The following LRRTM4 variants were observed in gnomAD, a reference collection of about 807,000 sequenced individuals.
LRRTM4 encodes the protein leucine rich repeat transmembrane neuronal 4, also known as leucine-rich repeat transmembrane neuronal protein 4.
Under a neutral mutation model 47.6 loss-of-function variants are expected in LRRTM4, and 25 were observed. The observed-to-expected ratio is 0.53, with a 90% confidence interval of 0.38 to 0.73. The LOEUF (loss-of-function observed/expected upper bound fraction) is 0.73. Among genes scored for constraint, LRRTM4 ranks in the 30% least tolerant of loss-of-function variants. The probability of loss-of-function intolerance (pLI) is 0.00; values close to 1 mark genes in which losing one functional copy is unlikely to be tolerated. For missense variants in LRRTM4, 638 were observed against 713.4 expected, an observed-to-expected ratio of 0.89 and a Z score of 1.20; for synonymous variants, 311 against 269.5, an observed-to-expected ratio of 1.15 and a Z score of -1.51.
chr2:77,510,994 T>C (rs746820783), intron 3 of LRRTM4, among the ~76,000 whole-genome samples: 24 of 152,072 alleles, frequency 1.6e-4, no homozygotes, highest in Admixed American at 2.6e-4. Context: ...TTCTTCTTGC[T>C]AGATTTAATG....
chr2:76,767,458 T>A (rs1327450469), intron 3 of LRRTM4, among the ~76,000 whole-genome samples: 3 of 152,138 alleles, frequency 2.0e-5, no homozygotes, highest in African/African-American at 4.8e-5. Flanking sequence ...GAGGCACAGG[T>A]GTGAAATGAC....
At chr2:77,232,579 A>G (rs1232769617) in intron 3 of LRRTM4, among the ~76,000 whole-genome samples, 3 of 152,210 alleles carry the variant, frequency 2.0e-5, no homozygotes, top group Non-Finnish European at 2.9e-5. Flanking sequence ...ACAAAGGTTT[A>G]CTTTAATCCG....
chr2:77,091,794 C>G (rs1670650666), intron 3 of LRRTM4, among the ~76,000 whole-genome samples: 1 of 150,436 alleles, frequency 6.6e-6, no homozygotes, highest in Non-Finnish European at 1.5e-5. Flanking sequence ...TCTTCCTCAT[C>G]TGTTACCTAT....
intron 3 of LRRTM4, among the ~76,000 whole-genome samples, chr2:77,244,506 A>AC (rs1234608871): frequency 2.6e-5 from 4 of 152,162 alleles, no homozygotes; most frequent in African/African-American, 9.7e-5. Context: ...AATGGGAAAA[A>AC]AATGTTTAAG....
At chr2:77,184,883 ATT>A (rs1181368226) in intron 3 of LRRTM4, among the ~76,000 whole-genome samples, 9 of 152,116 alleles carry the variant, frequency 5.9e-5, no homozygotes, top group Non-Finnish European at 8.8e-5. Flanking sequence ...GATAGCGTTG[ATT>A]TGGAGAAACA....
chr2:77,032,355 C>T (rs1402248963), intron 3 of LRRTM4, among the ~76,000 whole-genome samples: 2 of 152,148 alleles, frequency 1.3e-5, no homozygotes, highest in East Asian at 3.9e-4. Flanking sequence ...TTCTATTTCC[C>T]TGTTAATTTT....
intron 3 of LRRTM4, among the ~76,000 whole-genome samples, chr2:77,453,814 T>C (rs764367582): frequency 6.6e-6 from 1 of 152,226 alleles, no homozygotes; most frequent in Non-Finnish European, 1.5e-5. Context: ...TTTATTTTGA[T>C]AGCCTTTAAT....
intron 3 of LRRTM4, among the ~76,000 whole-genome samples, chr2:77,364,321 T>A (rs1672358083): frequency 6.6e-6 from 1 of 152,100 alleles, no homozygotes; most frequent in Non-Finnish European, 1.5e-5. Context: ...ATGCTGTATA[T>A]AAGGGCTGTA....
intron 3 of LRRTM4, among the ~76,000 whole-genome samples, chr2:76,846,844 G>T (rs1408928107): frequency 6.6e-6 from 1 of 152,106 alleles, no homozygotes; most frequent in African/African-American, 2.4e-5. Context: ...CCATTATCTG[G>T]TAAGAGAAAG....
At chr2:76,919,020 C>T (rs1183502448) in intron 3 of LRRTM4, among the ~76,000 whole-genome samples, 2 of 152,096 alleles carry the variant, frequency 1.3e-5, no homozygotes, top group African/African-American at 4.8e-5. Context: ...GTGCAAAGGA[C>T]AAAATTCAGG....
intron 3 of LRRTM4, among the ~76,000 whole-genome samples, chr2:77,042,737 T>G (rs1325758060): frequency 4.0e-5 from 6 of 151,748 alleles, no homozygotes; most frequent in Non-Finnish European, 7.4e-5. Context: ...AAACCTATAT[T>G]CATCAAGAGC....
At chr2:77,511,527 A>G (rs895301893) in intron 3 of LRRTM4, among the ~76,000 whole-genome samples, 2 of 151,882 alleles carry the variant, frequency 1.3e-5, no homozygotes, top group Admixed American at 6.6e-5. Flanking sequence ...TTGCTTATTT[A>G]TTTTAAGCAC....
intron 3 of LRRTM4, among the ~76,000 whole-genome samples, chr2:77,502,214 T>C (rs1678594886): frequency 6.6e-6 from 1 of 151,564 alleles, no homozygotes; most frequent in Non-Finnish European, 1.5e-5. Flanking sequence ...AGCAATTCAC[T>C]TACATTATTA....
At chr2:77,073,503 A>G (rs971752293) in intron 3 of LRRTM4, among the ~76,000 whole-genome samples, 1 of 152,072 alleles carries the variant, frequency 6.6e-6, no homozygotes, top group Non-Finnish European at 1.5e-5. Flanking sequence ...AATTCCTTCT[A>G]TGAAAATGTT....
chr2:76,845,440 G>A lies in LRRTM4; in HGVS notation c.1552-96524C>T, dbSNP rs1426103754. ...CCAGGAGGCAGAGGTTGAAGTGAGG[G>A]GAGATCTCATTATTGGCTGAAAACA... On this transcript the variant is annotated intron_variant, in intron 3 of 3. Coordinates refer to ENST00000409884, the MANE Select transcript of LRRTM4 (RefSeq NM_001134745.3). Among the ~76,000 whole-genome samples the A allele has an allele frequency of 2.0e-5, 3 of 151,934 alleles. No homozygotes were observed. In the South Asian group the frequency reaches 6.2e-4, roughly 32 times the overall value.
intron 3 of LRRTM4, among the ~76,000 whole-genome samples, chr2:76,922,971 C>T (rs1160224368): frequency 6.6e-6 from 1 of 151,914 alleles, no homozygotes; most frequent in African/African-American, 2.4e-5. Flanking sequence ...TTACTTGGTA[C>T]TATTAATTTA....
intron 3 of LRRTM4, among the ~76,000 whole-genome samples, chr2:77,472,078 A>G (rs1677209993): frequency 2.0e-5 from 3 of 152,004 alleles, no homozygotes; most frequent in African/African-American, 7.2e-5. Context: ...TCATATTTAA[A>G]CCAGTGTCCT....
At chr2:76,908,475 G>C (rs1048476208) in intron 3 of LRRTM4, among the ~76,000 whole-genome samples, 5 of 151,350 alleles carry the variant, frequency 3.3e-5, no homozygotes, top group African/African-American at 9.7e-5. Context: ...TCAACATAGT[G>C]TTGGAAGTTC....
intron 3 of LRRTM4, among the ~76,000 whole-genome samples, chr2:77,511,290 G>T (rs1678977278): frequency 6.6e-6 from 1 of 151,984 alleles, no homozygotes; most frequent in Non-Finnish European, 1.5e-5. Context: ...TTATCAGCCT[G>T]TATTCAAAAG....
Sources: gnomAD v4.1 joint callset for allele counts (sites outside exome capture counted in the v4.1 genomes callset) on GRCh38, gnomAD v4.1.1 for gene constraint, MANE v1.5 for transcripts, NCBI Gene and HGNC (gene_info 2026-07-23, HGNC 2026-07-21) for gene names.